The following WDR17 variants were observed in gnomAD, a reference collection of about 807,000 sequenced individuals.
WDR17 encodes WD repeat-containing protein 17.
In WDR17, 143 loss-of-function variants were observed where a neutral mutation model predicts 161.7. The ratio of observed to expected loss-of-function variants is 0.88; its 90% CI spans 0.77 to 1.02. The LOEUF (loss-of-function observed/expected upper bound fraction) is 1.02, where lower values mean the gene tolerates loss of function less well. Among genes scored for constraint, WDR17 ranks in the 50% least tolerant of loss-of-function variants. The probability of loss-of-function intolerance (pLI) is 0.00; values close to 1 mark genes in which losing one functional copy is unlikely to be tolerated. For missense variants in WDR17, 1,469 were observed against 1,520.9 expected, an observed-to-expected ratio of 0.97 and a Z score of 0.57; for synonymous variants, 517 against 515.6, an observed-to-expected ratio of 1.00 and a Z score of -0.04.
At chr4:176,069,538 T>C (rs1732954155) in intron 1 of WDR17, among the ~76,000 whole-genome samples, 1 of 152,182 alleles carries the variant, frequency 6.6e-6, no homozygotes, top group African/African-American at 2.4e-5. Context: ...GTTATAACAG[T>C]CAATACTTGT....
chr4:176,160,811 C>A, intron 19 of WDR17, 100 bp from the exon 20 acceptor site: 3 of 948,470 alleles, frequency 3.2e-6, no homozygotes, highest in Non-Finnish European at 3.0e-6. Flanking sequence ...GTATAAATTT[C>A]AAACATTATT....
chr4:176,168,500 TG>T, intron 22 of WDR17, 171 bp from the exon 23 acceptor site: 1 of 657,738 alleles, frequency 1.5e-6, no homozygotes, highest in Admixed American at 3.4e-5. Context: ...ACCTTTGGTT[TG>T]GGTAATCTGC....
chr4:176,150,383 C>T (rs1343390692), intron 15 of WDR17, 85 bp from the exon 16 acceptor site: 4 of 1,503,416 alleles, frequency 2.7e-6, no homozygotes, highest in African/African-American at 2.8e-5. Context: ...TTTAGATATG[C>T]CTGCATTATA....
intron 1 of WDR17, chr4:176,096,316 C>G: frequency 2.5e-6 from 1 of 402,168 alleles, no homozygotes. Flanking sequence ...TTGTCGATTT[C>G]TTTCTTATTT....
At chr4:176,079,446 C>A (rs1734469359) in intron 1 of WDR17, among the ~76,000 whole-genome samples, 1 of 152,018 alleles carries the variant, frequency 6.6e-6, no homozygotes, top group Admixed American at 6.6e-5. Flanking sequence ...AAAAATAAAA[C>A]CCAGTTTTTA....
At chr4:176,110,433 A>C (rs1280527714) in intron 1 of WDR17, among the ~76,000 whole-genome samples, 1 of 152,150 alleles carries the variant, frequency 6.6e-6, no homozygotes, top group Non-Finnish European at 1.5e-5. Flanking sequence ...GCCTATCTTT[A>C]TTCCTAGACC....
intron 1 of WDR17, among the ~76,000 whole-genome samples, chr4:176,089,808 A>G (rs1735887709): frequency 6.6e-6 from 1 of 151,954 alleles, no homozygotes; most frequent in South Asian, 2.1e-4. Context: ...CCCTTTTCCT[A>G]GAACTGGTGA....
chr4:176,084,164 G>T (rs1317055542), intron 1 of WDR17, among the ~76,000 whole-genome samples: 1 of 151,978 alleles, frequency 6.6e-6, no homozygotes, highest in East Asian at 1.9e-4. Flanking sequence ...TGCTATAAAG[G>T]CATGCCCAAG....
chr4:176,115,569 A>C (rs1166337947), intron 2 of WDR17, among the ~76,000 whole-genome samples: 1 of 151,954 alleles, frequency 6.6e-6, no homozygotes, highest in African/African-American at 2.4e-5. Context: ...ACTTGTTTTT[A>C]AAATGGATAT....
At chr4:176,113,168 T>C (rs1424919281) in intron 2 of WDR17, among the ~76,000 whole-genome samples, 2 of 151,918 alleles carry the variant, frequency 1.3e-5, no homozygotes, top group South Asian at 2.1e-4. Context: ...CTTTACACTC[T>C]TTATATACTC....
chr4:176,113,317 A>G (rs1444516062), intron 2 of WDR17, among the ~76,000 whole-genome samples: 3 of 152,114 alleles, frequency 2.0e-5, no homozygotes, highest in East Asian at 3.8e-4. Flanking sequence ...GATGGTAAAG[A>G]AACTCAGTGG....
At chr4:176,118,489 TG>T (rs1194909429) in intron 3 of WDR17, among the ~76,000 whole-genome samples, 2 of 152,176 alleles carry the variant, frequency 1.3e-5, no homozygotes, top group Non-Finnish European at 2.9e-5. Context: ...GTCCTCATTA[TG>T]GGTCAGGCCC....
intron 6 of WDR17, among the ~76,000 whole-genome samples, chr4:176,130,744 CA>C (rs1241265294): frequency 0.042 from 3,050 of 71,860 alleles, 38 homozygotes; most frequent in African/African-American, 0.064. Flanking sequence ...GACTCCGTCT[CA>C]AAAAAAAAAA....
intron 3 of WDR17, among the ~76,000 whole-genome samples, chr4:176,119,351 G>T: frequency 6.6e-6 from 1 of 152,124 alleles, no homozygotes; most frequent in East Asian, 1.9e-4. Context: ...GCAAGGCTTA[G>T]ATTTGAATCT....
At chr4:176,110,419 C>T (rs936100132) in intron 1 of WDR17, among the ~76,000 whole-genome samples, 1 of 152,182 alleles carries the variant, frequency 6.6e-6, no homozygotes, top group Non-Finnish European at 1.5e-5. Context: ...AGCCACCGCG[C>T]CCAGCCTATC....
chr4:176,147,286 G>A (rs138251640), intron 12 of WDR17, among the ~76,000 whole-genome samples: 13 of 152,164 alleles, frequency 8.5e-5, no homozygotes, highest in African/African-American at 3.1e-4. Context: ...TTGTCAGTTT[G>A]GCATATATCT....
rs1244121705 is a variant in WDR17 at position 176,182,584 on chromosome 4, T to C, written c.*3005T>C. On this transcript the variant is annotated 3_prime_UTR_variant, in exon 29 of 29. Coordinates refer to ENST00000508596, the MANE Select transcript of WDR17 (RefSeq NM_181265.4). This position sits in a 1 kb window ranked among gnomAD's most constrained non-coding sequence, Gnocchi z 4.2. ...CTCACAAATTATTTGTAAAATTTAG[T>C]AGTTCATATTTAGTATATCAGTAAT... is the stretch of plus-strand genomic sequence containing the variant. The C allele has an allele frequency of 6.6e-6, 1 of 152,068 alleles. No homozygotes were observed. Among genetic ancestry groups the C allele is most frequent in the African/African-American group, 2.4e-5 (1 of 41,422 alleles). The allele number at this position is 152,068 out of a possible 1,614,324, so 9.4% of individuals were successfully genotyped here.
At position 176,159,275 on chromosome 4, in the gene WDR17, G is replaced by GCACA. The variant is rs367571276; in HGVS notation, c.2526-700_2526-697dup. ...TAGATGGGAAGATACACACACACATGCACACACACACACACACACACATAC... is the reference window on the plus strand; with the variant it reads ...TAGATGGGAAGATACACACACACATGCACACACACACACACACACACACACATAC... On this transcript the variant is annotated intron_variant, in intron 18 of 28. Transcript: ENST00000508596. Among the ~76,000 whole-genome samples the GCACA allele has an allele frequency of 1.4e-4, 13 of 94,434 alleles. No homozygotes were observed. In the East Asian group the frequency reaches 1.7e-3, roughly 12 times the overall value. The allele number at this position is 94,434 out of a possible 152,430, so 62.0% of individuals were successfully genotyped here.
intron 1 of WDR17, among the ~76,000 whole-genome samples, chr4:176,075,575 T>A (rs1733851799): frequency 6.6e-6 from 1 of 152,206 alleles, no homozygotes; most frequent in Admixed American, 6.5e-5. Flanking sequence ...GATTCATTTT[T>A]AAAAAGACTG....
Sources: gnomAD v4.1 joint callset for allele counts (sites outside exome capture counted in the v4.1 genomes callset) on GRCh38, gnomAD v4.1.1 for gene constraint, Gnocchi (gnomAD v3.1) non-coding constraint, MANE v1.5 for transcripts, NCBI Gene and HGNC (gene_info 2026-07-23, HGNC 2026-07-21) for gene names.